Variants in FAM131B observed in about 807,000 individuals in gnomAD.
FAM131B encodes the protein protein FAM131B.
Under a neutral mutation model 42.0 loss-of-function variants are expected in FAM131B, and 19 were observed. The ratio of observed to expected loss-of-function variants is 0.45; its 90% confidence interval spans 0.32 to 0.66. The LOEUF is 0.66. Ranked by LOEUF, FAM131B falls within the 30% of genes least tolerant of loss-of-function variation. FAM131B has a pLI of 0.05. For missense variants in FAM131B, 370 were observed against 468.4 expected (o/e 0.79, Z 1.94); for synonymous variants, 183 against 177.6 (o/e 1.03, Z -0.24).
At position 143,359,703 on chromosome 7, in the gene FAM131B, T is replaced by C. The variant is rs1197490294; in HGVS notation, c.174+29A>G. On this transcript the variant is annotated intron_variant, in intron 3 of 6. Transcript: ENST00000443739. This position sits in a 1 kb window ranked among gnomAD's most constrained non-coding sequence, Gnocchi z 5.4. Reference sequence around the variant, plus strand: ...GATGAGGAGGAGGAGTTCGGGAGGATGGGGAGGTCTGGGGGCAGCTGCACT... The same window carrying C: ...GATGAGGAGGAGGAGTTCGGGAGGACGGGGAGGTCTGGGGGCAGCTGCACT... 3.2e-6 allele frequency: 5 copies of C among 1,559,792 alleles called. No homozygotes were observed. Among genetic ancestry groups the C allele is most frequent in the South Asian group, 1.2e-5 (1 of 84,736 alleles).
At position 143,357,377 on chromosome 7, in the gene FAM131B, C is replaced by T; in HGVS notation, c.513G>A (p.Trp171Ter). Residue 171 changes from tryptophan to a stop codon, truncating the protein, a stop_gained, in exon 6 of 7, where the codon TGG (tryptophan) becomes TGA (stop). Coordinates refer to ENST00000443739, the MANE Select transcript of FAM131B (RefSeq NM_001031690.3). LOFTEE classifies it high-confidence loss of function. ...FAISEATLMA[W>*]SSMDGEDMSV... ...TCATGTCCTCACCATCCATGGAAGA[C>T]CAGGCCATGAGTGTGGCCTCAGAGA... The T allele has an allele frequency of 4.3e-6, 7 of 1,613,788 alleles. No individual in the cohort carries two copies. Among genetic ancestry groups the T allele is most frequent in the Non-Finnish European group, 5.9e-6 (7 of 1,179,682 alleles).
At chr7:143,374,742 A>G in the FAM131B span, among the ~76,000 whole-genome samples, 1 of 152,140 alleles carries the variant, frequency 6.6e-6, no homozygotes, top group Non-Finnish European at 1.5e-5. Context: ...GTGCGCCCAC[A>G]GCTGTCACAG....
Position 143,359,170 on chromosome 7 carries a change from G to T in FAM131B, c.269-146C>A. The T allele has an allele frequency of 9.7e-7, 1 of 1,033,696 alleles. No homozygotes were observed. The highest frequency in any genetic ancestry group is 1.4e-6 in the Non-Finnish European group (1 of 695,288). 64.0% of individuals were successfully genotyped at this position (1,033,696 alleles called of 1,614,324 possible). A position where few individuals can be genotyped will look rare whatever the true frequency, so the allele number is the denominator to read the frequency against. On this transcript the variant is annotated intron_variant, in intron 4 of 6. Coordinates refer to ENST00000443739, the MANE Select transcript of FAM131B (RefSeq NM_001031690.3). The surrounding 1 kb of genome is among the most constrained non-coding windows in gnomAD (Gnocchi z 5.4). ...AGGACTCCATAGATGGGGTAGTGGA[G>T]GGAATGGCCTGGAGGATGGGAGGCT...
the FAM131B span, chr7:143,380,135 G>A: frequency 1.0e-6 from 1 of 984,950 alleles, no homozygotes; most frequent in Non-Finnish European, 1.2e-6. This position sits in a 1 kb window ranked among gnomAD's most constrained non-coding sequence, Gnocchi z 5.0. Flanking sequence ...AAAATGAAGC[G>A]CCTACGGGTG....
At chr7:143,372,658 C>A in the FAM131B span, among the ~76,000 whole-genome samples, 1 of 152,130 alleles carries the variant, frequency 6.6e-6, no homozygotes, top group African/African-American at 2.4e-5. Context: ...AAGTAAAATA[C>A]CTCATTAATA....
chr7:143,358,874 G>T lies in FAM131B; in HGVS notation c.419C>A (p.Ala140Asp). ...SHESVRRDTD[A>D]YSDLSDGEKE... The stretch of plus-strand genomic sequence containing the variant: ...CTCGCCATCGCTGAGGTCGGAGTAG[G>T]CATCCGTATCCCTGCGCACGGACTC... The change falls in exon 5 of 7, where the codon GCC becomes GAC. Residue 140 changes from alanine to aspartate, a missense_variant. Ala to Asp is a moderately radical substitution (Grantham distance 126). Coordinates refer to ENST00000443739, the MANE Select transcript of FAM131B (RefSeq NM_001031690.3). This position sits in a 1 kb window ranked among gnomAD's most constrained non-coding sequence, Gnocchi z 4.7. 1 of 1,614,108 alleles carries T rather than the reference G, an allele frequency of 6.2e-7. No homozygotes were observed. Among genetic ancestry groups the T allele is most frequent in the Non-Finnish European group, 8.5e-7 (1 of 1,180,010 alleles).
Position 143,358,831 on chromosome 7 carries a change from T to C in FAM131B, c.462A>G (p.Leu154=). ...LSDGEKEARF[L]AGVMEQFAIS... is the part of the protein sequence containing the mutation. ...GAGGCTTTAGGGTACCTGTACCTGC[T>C]AGAAAACGTGCCTCCTTCTCGCCAT... The change falls in exon 5 of 7, where the codon CTA becomes CTG. Residue 154 remains leucine (L), a synonymous_variant. Coordinates refer to ENST00000443739, the MANE Select transcript of FAM131B (RefSeq NM_001031690.3). This position sits in a 1 kb window ranked among gnomAD's most constrained non-coding sequence, Gnocchi z 4.7. The C allele has an allele frequency of 1.2e-6, 2 of 1,613,906 alleles. No homozygotes were observed. Among genetic ancestry groups the C allele is most frequent in the Admixed American group, 1.7e-5 (1 of 60,014 alleles).
At chr7:143,362,922 G>A (rs1804073055), upstream of FAM131B, among the ~76,000 whole-genome samples, 1 of 151,238 alleles carries the variant, frequency 6.6e-6, no homozygotes, top group Admixed American at 6.6e-5. The surrounding 1 kb of genome is among the most constrained non-coding windows in gnomAD (Gnocchi z 7.7). Flanking sequence ...ATCTGGGGCC[G>A]CCGTCGCCGC....
the FAM131B span, chr7:143,381,381 G>A: frequency 1.8e-5 from 21 of 1,178,522 alleles, no homozygotes; most frequent in Non-Finnish European, 2.1e-5. Context: ...GCGGCCACCC[G>A]AGACGCGGCG....
upstream of FAM131B, chr7:143,364,062 C>A (rs1054837367): frequency 6.6e-6 from 1 of 152,084 alleles, no homozygotes; most frequent in African/African-American, 2.4e-5. Context: ...TCTATAAAAC[C>A]GCGGGAAGGA....
chr7:143,380,191 A>T, the FAM131B span: 9 of 985,100 alleles, frequency 9.1e-6, no homozygotes, highest in Admixed American at 6.2e-5. The surrounding 1 kb of genome is among the most constrained non-coding windows in gnomAD (Gnocchi z 5.0). Context: ...TAGTTTGGAG[A>T]AAGAACTGGG....
Position 143,357,422 on chromosome 7 carries a change from G to T in FAM131B, c.468C>A (p.Gly156=). Residue 156 remains glycine (G), a splice_region_variant and synonymous_variant, in exon 6 of 7, where the codon GGC becomes GGA. Coordinates refer to ENST00000443739, the MANE Select transcript of FAM131B (RefSeq NM_001031690.3). ...CAGAGATAGCAAACTGCTCCATGACGCCTGGGGGAAGAAATGCAACAACCA... is the reference window on the plus strand; with the variant it reads ...CAGAGATAGCAAACTGCTCCATGACTCCTGGGGGAAGAAATGCAACAACCA... ...DGEKEARFLA[G]VMEQFAISEA... is the part of the protein sequence containing the mutation. 1.2e-6 allele frequency: 2 copies of T among 1,604,824 alleles called. No individual in the cohort carries two copies. Among genetic ancestry groups the T allele is most frequent in the South Asian group, 2.2e-5 (2 of 89,576 alleles).
chr7:143,369,670 G>A, the FAM131B span, among the ~76,000 whole-genome samples: 70 of 37,082 alleles, frequency 1.9e-3, no homozygotes, highest in East Asian at 0.015. Context: ...GCGAGAATCC[G>A]TCTCAAAAAA....
chr7:143,362,508 G>A lies in FAM131B; in HGVS notation c.28+68C>T. 1.5e-6 allele frequency: 1 copy of A among 675,402 alleles called. No homozygotes were observed. Among genetic ancestry groups the A allele is most frequent in the Non-Finnish European group, 2.1e-6 (1 of 484,162 alleles). The allele number at this position is 675,402 out of a possible 1,614,324, so 41.8% of individuals were successfully genotyped here. A position where few individuals can be genotyped will look rare whatever the true frequency, so the allele number is the denominator to read the frequency against. On this transcript the variant is annotated intron_variant, in intron 1 of 6. Transcript: ENST00000443739. This position sits in a 1 kb window ranked among gnomAD's most constrained non-coding sequence, Gnocchi z 7.7. ...GGGCGCCCGGAGGCGCGAGGAGAGGGATGGGGGAGGGGGTCGGAGGGCGGC... is the reference window on the plus strand; with the variant it reads ...GGGCGCCCGGAGGCGCGAGGAGAGGAATGGGGGAGGGGGTCGGAGGGCGGC...
chr7:143,369,153 A>G, the FAM131B span, among the ~76,000 whole-genome samples: 1 of 152,218 alleles, frequency 6.6e-6, no homozygotes. Context: ...ACAGTCACAC[A>G]CTTAGTAAGT....
At chr7:143,371,129 AC>A in the FAM131B span, among the ~76,000 whole-genome samples, 6 of 152,080 alleles carry the variant, frequency 3.9e-5, no homozygotes, top group Middle Eastern at 3.2e-3. Flanking sequence ...AGGAGCACCT[AC>A]CTACTCTATG....
At chr7:143,357,453 T>A (rs1803719584) in intron 5 of FAM131B, 30 bp from the exon 6 acceptor site, 1 of 1,594,346 alleles carries the variant, frequency 6.3e-7, no homozygotes, top group Non-Finnish European at 8.6e-7. Flanking sequence ...AACCACAAAA[T>A]ACCTCAGGGA....
chr7:143,357,040 G>T lies in FAM131B; in HGVS notation c.611-18C>A, dbSNP rs747919320. The stretch of plus-strand genomic sequence containing the variant: ...CAGGGCATCTGGAAAAAGAATCATG[G>T]AGGTCAGTGGGGCCACAGAATGTCA... On this transcript the variant is annotated intron_variant, in intron 6 of 6. Coordinates refer to ENST00000443739, the MANE Select transcript of FAM131B (RefSeq NM_001031690.3). 2.9e-5 allele frequency: 45 copies of T among 1,564,474 alleles called. No individual in the cohort carries two copies. The highest frequency in any genetic ancestry group is 3.9e-5 in the Non-Finnish European group (44 of 1,136,000).
chr7:143,357,992 C>G (rs1046393328), intron 5 of FAM131B, among the ~76,000 whole-genome samples: 1 of 152,120 alleles, frequency 6.6e-6, no homozygotes, highest in Non-Finnish European at 1.5e-5. Flanking sequence ...GAATTGCAGT[C>G]TAGAGAGTAG....
Sources: gnomAD v4.1 joint callset for allele counts (sites outside exome capture counted in the v4.1 genomes callset) on GRCh38, gnomAD v4.1.1 for gene constraint, Gnocchi (gnomAD v3.1) non-coding constraint, MANE v1.5 for transcripts, NCBI Gene and HGNC (gene_info 2026-07-23, HGNC 2026-07-21) for gene names.